Variants in FCRL2 observed in about 807,000 individuals in gnomAD.
The protein encoded by FCRL2 is Fc receptor like 2.
A neutral mutation model predicts 59.8 loss-of-function variants in FCRL2; 48 were observed. The ratio of observed to expected loss-of-function variants is 0.80; its 90% CI spans 0.64 to 1.02. The LOEUF (loss-of-function observed/expected upper bound fraction) is 1.02, where lower values mean the gene tolerates loss of function less well. Ranked by LOEUF, FCRL2 falls within the 50% of genes least tolerant of loss-of-function variation. FCRL2 has a pLI of 0.00. For synonymous variants in FCRL2, 251 were observed against 229.5 expected (o/e 1.09, Z -0.85); for missense variants, 658 against 597.3 (o/e 1.10, Z -1.06).
intron 7 of FCRL2, among the ~76,000 whole-genome samples, chr1:157,761,741 G>T (rs1310970898): frequency 3.3e-5 from 5 of 152,104 alleles, no homozygotes; most frequent in Admixed American, 1.3e-4. Context: ...ATAGGGCTCA[G>T]TATGACAAAT....
At chr1:157,762,215 C>T (rs1278249803) in intron 7 of FCRL2, among the ~76,000 whole-genome samples, 3 of 152,216 alleles carry the variant, frequency 2.0e-5, no homozygotes, top group Non-Finnish European at 4.4e-5. Flanking sequence ...TGATACCTAC[C>T]CGCATGCACC....
intron 7 of FCRL2, among the ~76,000 whole-genome samples, chr1:157,760,440 T>C (rs1648932715): frequency 6.6e-6 from 1 of 151,168 alleles, no homozygotes; most frequent in South Asian, 2.1e-4. Context: ...CTGGTCAACA[T>C]GGTGAAATGC....
intron 7 of FCRL2, among the ~76,000 whole-genome samples, chr1:157,759,256 C>T (rs1158038740): frequency 6.6e-6 from 1 of 152,180 alleles, no homozygotes; most frequent in Non-Finnish European, 1.5e-5. Flanking sequence ...TCATGTGGAA[C>T]TGTGAGTCGA....
chr1:157,766,952 T>C lies in FCRL2; in HGVS notation c.1182A>G (p.Arg394=). 6.2e-7 allele frequency: 1 copy of C among 1,613,780 alleles called. No individual in the cohort carries two copies. Among genetic ancestry groups the C allele is most frequent in the Non-Finnish European group, 8.5e-7 (1 of 1,179,926 alleles). The stretch of plus-strand genomic sequence containing the variant: ...AGAGAACTCCAGCTGTCATGAGGTC[T>C]CTTCTATAGCCATCAGGTCCTGAGG... ...VSISGPDGYR[R]DLMTAGVLWG... Residue 394 remains arginine, a synonymous_variant, in exon 7 of 12, where the codon AGA becomes AGG. Transcript: ENST00000361516.
chr1:157,771,329 CTCCATGCTGTCA>C (rs1650004607), intron 2 of FCRL2, among the ~76,000 whole-genome samples: 1 of 152,144 alleles, frequency 6.6e-6, no homozygotes, highest in South Asian at 2.1e-4. Flanking sequence ...TTTTTTCATC[CTCCATGCTGTCA>C]TCCAGCCCTC....
At chr1:157,754,704 A>C (rs750404315) in intron 7 of FCRL2, among the ~76,000 whole-genome samples, 60 of 152,086 alleles carry the variant, frequency 3.9e-4, no homozygotes, top group Admixed American at 6.6e-4. Context: ...AGTAGCTCAC[A>C]CCTGTAATCC....
intron 9 of FCRL2, 61 bp downstream of exon 9, chr1:157,748,814 C>T (rs1647959174): frequency 2.6e-6 from 4 of 1,524,934 alleles, no homozygotes; most frequent in Non-Finnish European, 3.6e-6. Flanking sequence ...ATGGTCTCCG[C>T]TCCTGTCTCC....
chr1:157,755,810 C>T (rs1648546834), intron 7 of FCRL2, among the ~76,000 whole-genome samples: 1 of 152,086 alleles, frequency 6.6e-6, no homozygotes, highest in African/African-American at 2.4e-5. Flanking sequence ...TGTATGTATA[C>T]AATGACATCA....
chr1:157,766,327 C>T (rs559361680), intron 7 of FCRL2, among the ~76,000 whole-genome samples: 10 of 152,062 alleles, frequency 6.6e-5, no homozygotes, highest in South Asian at 2.1e-4. Flanking sequence ...AAAAATTAGC[C>T]GGGTGTGGTG....
At position 157,768,713 on chromosome 1, in the gene FCRL2, T is replaced by C; in HGVS notation, c.596-12A>G. 1.3e-6 allele frequency: 2 copies of C among 1,593,632 alleles called. No individual in the cohort carries two copies. Among genetic ancestry groups the C allele is most frequent in the Non-Finnish European group, 1.7e-6 (2 of 1,169,856 alleles). ...AGAGATGGGGATTCCTAGATGGATATAAGACAACAGGTGAGAACTCTAAGG... is the reference window on the plus strand; with the variant it reads ...AGAGATGGGGATTCCTAGATGGATACAAGACAACAGGTGAGAACTCTAAGG... On this transcript the variant is annotated splice_polypyrimidine_tract_variant and intron_variant, in intron 4 of 11. Coordinates refer to ENST00000361516, the MANE Select transcript of FCRL2 (RefSeq NM_030764.4).
intron 7 of FCRL2, among the ~76,000 whole-genome samples, chr1:157,762,156 C>CCAGG (rs1317194189): frequency 6.6e-6 from 1 of 152,180 alleles, no homozygotes; most frequent in Admixed American, 6.5e-5. Flanking sequence ...TAACACTCCT[C>CCAGG]CAGGGGACCT....
At chr1:157,761,474 T>A (rs988452454) in intron 7 of FCRL2, among the ~76,000 whole-genome samples, 1 of 151,958 alleles carries the variant, frequency 6.6e-6, no homozygotes, top group Non-Finnish European at 1.5e-5. Flanking sequence ...CTGGGTATGG[T>A]GACATGGGCC....
intron 2 of FCRL2, among the ~76,000 whole-genome samples, chr1:157,772,102 T>C (rs748295706): frequency 4.0e-5 from 6 of 151,210 alleles, no homozygotes; most frequent in Non-Finnish European, 7.4e-5. Context: ...TCAAGATTTG[T>C]GGCCTCCTTT....
At chr1:157,765,530 AC>A (rs1438737494) in intron 7 of FCRL2, among the ~76,000 whole-genome samples, 1 of 152,228 alleles carries the variant, frequency 6.6e-6, no homozygotes, top group African/African-American at 2.4e-5. Flanking sequence ...GAACACAGAC[AC>A]AAAGATCTTC....
intron 7 of FCRL2, among the ~76,000 whole-genome samples, chr1:157,764,860 C>CA (rs1430665077): frequency 6.6e-6 from 1 of 152,088 alleles, no homozygotes; most frequent in East Asian, 1.9e-4. Context: ...ACACCTACAA[C>CA]AAAAACGTGG....
chr1:157,761,792 A>G (rs555484697), intron 7 of FCRL2, among the ~76,000 whole-genome samples: 2 of 152,196 alleles, frequency 1.3e-5, no homozygotes, highest in African/African-American at 2.4e-5. Context: ...TAGAAATAAT[A>G]CATTACAAAA....
At chr1:157,761,486 G>A (rs1019672671) in intron 7 of FCRL2, among the ~76,000 whole-genome samples, 5 of 152,156 alleles carry the variant, frequency 3.3e-5, no homozygotes, top group Admixed American at 1.3e-4. Flanking sequence ...ACATGGGCCT[G>A]TAGTTTCAGC....
At position 157,770,138 on chromosome 1, in the gene FCRL2, C is replaced by G; in HGVS notation, c.323G>C (p.Arg108Pro). 3.7e-6 allele frequency: 6 copies of G among 1,613,688 alleles called. No individual in the cohort carries two copies. The highest frequency in any genetic ancestry group is 5.1e-6 in the Non-Finnish European group (6 of 1,179,880). The change falls in exon 4 of 12, where the codon CGT becomes CCT. Residue 108 changes from arginine to proline, a missense_variant. By Grantham distance (103) the Arg-to-Pro change is moderately radical. Transcript: ENST00000361516. ...VKIKVQELFQ[R>P]PVLTASSFQP... ...GAAGGAGCTGGCAGTCAGCACAGGA[C>G]GTTGAAAGAGCTCTAGAGAGAAGGA...
intron 7 of FCRL2, among the ~76,000 whole-genome samples, chr1:157,766,110 G>T (rs924990380): frequency 2.0e-5 from 3 of 152,068 alleles, no homozygotes; most frequent in African/African-American, 7.2e-5. Flanking sequence ...AGGAGTCATC[G>T]CTCTTTTTAT....
Sources: gnomAD v4.1 joint callset for allele counts (sites outside exome capture counted in the v4.1 genomes callset) on GRCh38, gnomAD v4.1.1 for gene constraint, MANE v1.5 for transcripts, NCBI Gene and HGNC (gene_info 2026-07-23, HGNC 2026-07-21) for gene names.